NDRG4: variants seen among roughly 807,000 people sequenced by gnomAD.
The protein encoded by NDRG4 is protein NDRG4.
Under a neutral mutation model 55.8 loss-of-function variants are expected in NDRG4, and 38 were observed. The observed-to-expected ratio is 0.68, with a 90% CI of 0.53 to 0.89. The LOEUF (loss-of-function observed/expected upper bound fraction) is 0.89. NDRG4 is among the 40% of genes least tolerant of loss of function. NDRG4 has a pLI of 0.00. For synonymous variants in NDRG4, 190 were observed against 182.7 expected (o/e 1.04, Z -0.32); for missense variants, 455 against 468.6 (o/e 0.97, Z 0.27).
At chr16:58,474,642 C>T (rs1042574777) in intron 1 of NDRG4, among the ~76,000 whole-genome samples, 1 of 152,192 alleles carries the variant, frequency 6.6e-6, no homozygotes, top group Non-Finnish European at 1.5e-5. Context: ...CTCCAGCACC[C>T]AGAAAGCTCC....
At chr16:58,509,711 C>G (rs536299938) in intron 13 of NDRG4, among the ~76,000 whole-genome samples, 4 of 152,296 alleles carry the variant, frequency 2.6e-5, no homozygotes, top group Non-Finnish European at 5.9e-5. Context: ...GAGGCACACT[C>G]CCCTCACCCG....
At chr16:58,485,151 G>C (rs939607642) in intron 1 of NDRG4, among the ~76,000 whole-genome samples, 5 of 152,044 alleles carry the variant, frequency 3.3e-5, no homozygotes, top group African/African-American at 1.2e-4. Context: ...CCAAAGTGCT[G>C]AGATTACAGG....
intron 1 of NDRG4, among the ~76,000 whole-genome samples, chr16:58,468,550 GTC>G (rs550407337): frequency 1.6e-3 from 251 of 152,194 alleles, no homozygotes; most frequent in African/African-American, 5.9e-3. Context: ...GCGAAACCCC[GTC>G]TCTACCAAAA....
At chr16:58,489,284 CATAA>C (rs1597179252) in intron 2 of NDRG4, among the ~76,000 whole-genome samples, 1 of 152,000 alleles carries the variant, frequency 6.6e-6, no homozygotes, top group Non-Finnish European at 1.5e-5. Context: ...TGTCTCAAAA[CATAA>C]ATAAATAAAA....
intron 2 of NDRG4, chr16:58,487,984 G>A: frequency 1.6e-6 from 1 of 614,632 alleles, no homozygotes; most frequent in Non-Finnish European, 2.5e-6. Context: ...CCCTGCCTGT[G>A]GGGGGAGTTC....
At chr16:58,489,586 G>C (rs1234230451) in intron 2 of NDRG4, among the ~76,000 whole-genome samples, 1 of 151,898 alleles carries the variant, frequency 6.6e-6, no homozygotes, top group Non-Finnish European at 1.5e-5. Flanking sequence ...CTCTGGCCCT[G>C]GCCGTGTCAC....
chr16:58,501,609 G>A (rs1792284800), intron 1 of NDRG4: 1 of 193,408 alleles, frequency 5.2e-6, no homozygotes, highest in Admixed American at 5.4e-5. Flanking sequence ...GCTCTCCGCA[G>A]AGGGTGAGAG....
intron 2 of NDRG4, among the ~76,000 whole-genome samples, chr16:58,491,401 TCA>T (rs2035772055): frequency 6.6e-6 from 1 of 151,376 alleles, no homozygotes; most frequent in Non-Finnish European, 1.5e-5. Flanking sequence ...GCTGTGGCGC[TCA>T]CAGACGATTC....
rs1222541093 is a variant in NDRG4 at position 58,472,582 on chromosome 16, C to T, written c.-24+8785C>T. Among the ~76,000 whole-genome samples the T allele has an allele frequency of 3.3e-5, 5 of 152,092 alleles. No individual in the cohort carries two copies. The East Asian group carries it at 9.7e-4, about 29-fold the overall frequency. On this transcript the variant is annotated intron_variant, in intron 1 of 15. Coordinates refer to the NDRG4 transcript ENST00000258187. Reference sequence around the variant, plus strand: ...GCAGGAGAGAATAACTTAGAAGTTACGTTAGGTCTCTTGGGTGCAAGTGAC... The same window carrying T: ...GCAGGAGAGAATAACTTAGAAGTTATGTTAGGTCTCTTGGGTGCAAGTGAC...
In NDRG4 at chr16:58,506,580, T is replaced by C. The variant is rs1025302907; in HGVS notation, c.482T>C (p.Leu161Ser). ...CAGCTCTCCGGCCTAACTAGCACTT[T>C]ACCCGACACGGTGCTCTCCCACCTC... ...ATKLSGLTST[L>S]PDTVLSHLFS... Residue 161 changes from leucine to serine, a missense_variant, in exon 7 of 15, where the codon TTA becomes TCA. Physicochemically the swap from Leu to Ser is moderately radical, Grantham distance 145 (BLOSUM62 -2). Coordinates refer to ENST00000570248, the MANE Select transcript of NDRG4 (RefSeq NM_001242835.2). 1 of 1,581,176 alleles carries C rather than the reference T, an allele frequency of 6.3e-7. No individual in the cohort carries two copies.
chr16:58,471,719 G>A (rs1030280338), intron 1 of NDRG4, among the ~76,000 whole-genome samples: 2 of 152,068 alleles, frequency 1.3e-5, no homozygotes, highest in Non-Finnish European at 2.9e-5. Context: ...AATAACCCTG[G>A]GGACCTAGAT....
At chr16:58,488,546 T>G (rs929822714) in intron 2 of NDRG4, among the ~76,000 whole-genome samples, 9 of 152,016 alleles carry the variant, frequency 5.9e-5, no homozygotes, top group African/African-American at 2.2e-4. Context: ...AGGGCTGGGG[T>G]CCCTGCAAGT....
chr16:58,492,944 G>A (rs942933322), intron 2 of NDRG4, among the ~76,000 whole-genome samples: 6 of 151,936 alleles, frequency 3.9e-5, no homozygotes, highest in African/African-American at 1.2e-4. Flanking sequence ...GGCCTGGAAC[G>A]AATCTGCAGA....
At chr16:58,503,481 C>T (rs1416055272) in intron 1 of NDRG4, among the ~76,000 whole-genome samples, 5 of 152,120 alleles carry the variant, frequency 3.3e-5, no homozygotes, top group African/African-American at 1.2e-4. Context: ...GGGGCTGCTG[C>T]AAGATGGAGA....
chr16:58,464,113 G>A lies in NDRG4; in HGVS notation c.-24+316G>A. On this transcript the variant is annotated intron_variant, in intron 1 of 15. Transcript: ENST00000258187. This position sits in a 1 kb window ranked among gnomAD's most constrained non-coding sequence, Gnocchi z 4.8. ...GTCTCTTTGTTCGGGCGGCGGGCAC[G>A]GGGGACCACCTCCCACGGTGTCACC... 6.5e-6 allele frequency: 2 copies of A among 309,774 alleles called. No individual in the cohort carries two copies. Among genetic ancestry groups the A allele is most frequent in the Non-Finnish European group, 1.2e-5 (2 of 169,806 alleles). 19.2% of individuals were successfully genotyped at this position (309,774 alleles called of 1,614,324 possible). A position where few individuals can be genotyped will look rare whatever the true frequency, so the allele number is the denominator to read the frequency against.
rs1172819478 is a variant in NDRG4 at position 58,487,879 on chromosome 16, T to C, written c.72+29T>C. ...AGTTGGAGTCGCGCCTTTGAGGTCT[T>C]AGGGCCGAGCGCGCCACCTCGTGGC... On this transcript the variant is annotated intron_variant, in intron 2 of 15. Coordinates refer to the NDRG4 transcript ENST00000258187. The C allele has an allele frequency of 2.7e-6, 4 of 1,483,302 alleles. No homozygotes were observed. The African/African-American group carries it at 5.7e-5, about 21-fold the overall frequency. 91.9% of individuals were successfully genotyped at this position (1,483,302 alleles called of 1,614,324 possible).
intron 1 of NDRG4, among the ~76,000 whole-genome samples, chr16:58,487,268 C>T (rs2035204022): frequency 6.6e-6 from 1 of 152,198 alleles, no homozygotes; most frequent in Non-Finnish European, 1.5e-5. Context: ...CACCTGAAAT[C>T]TCAACACTTT....
At chr16:58,500,570 T>C in intron 1 of NDRG4, 1 of 545,666 alleles carries the variant, frequency 1.8e-6, no homozygotes, top group Non-Finnish European at 3.2e-6. Flanking sequence ...CTGTCTGACT[T>C]GGCTGCATTG....
At chr16:58,504,019 C>G (rs534213843) in intron 2 of NDRG4, 116 bp downstream of exon 2, 5 of 1,563,418 alleles carry the variant, frequency 3.2e-6, no homozygotes, top group Non-Finnish European at 4.4e-6. Context: ...CCTCTGTTGC[C>G]TTCGCCCTCC....
Sources: allele counts gnomAD v4.1 joint callset (sites outside exome capture counted in the v4.1 genomes callset), GRCh38; gene constraint gnomAD v4.1.1; non-coding constraint Gnocchi (gnomAD v3.1); transcripts MANE v1.5; gene names NCBI Gene and HGNC (gene_info 2026-07-23, HGNC 2026-07-21).